Variants in UTRN observed in about 807,000 individuals in gnomAD.
The protein encoded by UTRN is utrophin, also known as dystrophin-related protein 1.
In UTRN, 283 loss-of-function variants were observed where a neutral mutation model predicts 463.9. The observed-to-expected ratio is 0.61, with a 90% CI of 0.55 to 0.67. The LOEUF is 0.67. UTRN is among the 30% of genes least tolerant of loss of function. UTRN has a pLI of 0.00. For synonymous variants in UTRN, 1,442 were observed against 1,431.5 expected (o/e 1.01, Z -0.17); for missense variants, 3,922 against 4,084.3 (o/e 0.96, Z 1.08).
intron 3 of UTRN, among the ~76,000 whole-genome samples, chr6:144,419,467 C>T (rs2114841307): frequency 6.6e-6 from 1 of 152,240 alleles, no homozygotes; most frequent in Non-Finnish European, 1.5e-5. Context: ...AAGGCACATG[C>T]TAAAAATTAT....
chr6:144,391,235 A>T (rs934927780), intron 2 of UTRN, among the ~76,000 whole-genome samples: 8 of 152,014 alleles, frequency 5.3e-5, no homozygotes, highest in Non-Finnish European at 8.8e-5. Flanking sequence ...CCATACCCAG[A>T]CACTTTTTTG....
At chr6:144,530,942 G>A in intron 41 of UTRN, 110 bp from the exon 42 acceptor site, 1 of 1,246,420 alleles carries the variant, frequency 8.0e-7, no homozygotes, top group Non-Finnish European at 1.1e-6. Flanking sequence ...GAATTCAGTT[G>A]TTTGAGGTCT....
chr6:144,439,318 C>G (rs1231522079), intron 12 of UTRN, among the ~76,000 whole-genome samples: 1 of 152,098 alleles, frequency 6.6e-6, no homozygotes, highest in Non-Finnish European at 1.5e-5. Context: ...AGGAGATAAA[C>G]TTTTCATAGT....
At chr6:144,447,494 A>T in intron 15 of UTRN, 108 bp from the exon 16 acceptor site, 1 of 1,387,730 alleles carries the variant, frequency 7.2e-7, no homozygotes, top group Non-Finnish European at 9.9e-7. Context: ...TGAACTGCAA[A>T]GCATGTACAT....
At chr6:144,836,761 A>G (rs2128760773) in intron 71 of UTRN, 1 of 676,086 alleles carries the variant, frequency 1.5e-6, no homozygotes, top group East Asian at 3.1e-5. Flanking sequence ...GGAATTTCCC[A>G]GTCTTCTTTA....
At chr6:144,628,356 A>G (rs1203831512) in intron 51 of UTRN, among the ~76,000 whole-genome samples, 1 of 152,072 alleles carries the variant, frequency 6.6e-6, no homozygotes, top group African/African-American at 2.4e-5. Flanking sequence ...ATCTGTATGA[A>G]TATAGTATTC....
chr6:144,466,091 T>C (rs1373452691), intron 23 of UTRN, among the ~76,000 whole-genome samples: 3 of 152,294 alleles, frequency 2.0e-5, no homozygotes, highest in African/African-American at 7.2e-5. Flanking sequence ...ACAAGAACAA[T>C]TGACAAATAT....
intron 2 of UTRN, among the ~76,000 whole-genome samples, chr6:144,360,072 CT>C (rs1401620107): frequency 1.4e-3 from 144 of 102,972 alleles, no homozygotes; most frequent in African/African-American, 7.8e-3. Context: ...CTTCCCTTCC[CT>C]TCCCTTCCCT....
At chr6:144,713,622 AAAAT>A (rs989082326) in intron 53 of UTRN, among the ~76,000 whole-genome samples, 4 of 145,838 alleles carry the variant, frequency 2.7e-5, no homozygotes, top group Non-Finnish European at 4.5e-5. Context: ...CTCAAAAAAA[AAAAT>A]AAATAAATAA....
At chr6:144,529,214 C>T (rs1319732067) in intron 41 of UTRN, among the ~76,000 whole-genome samples, 1 of 152,204 alleles carries the variant, frequency 6.6e-6, no homozygotes, top group African/African-American at 2.4e-5. Context: ...TATTTCCAGG[C>T]AGCTGGTGAG....
rs1554339291 is a variant in UTRN, at chr6:144,690,074, G to GTTTTTTTTTTTTTTTTTTTTTTTTTT, written c.7653-9991_7653-9990insTTTTTTTTTTTTTTTTTTTTTTTTTT. Among the ~76,000 whole-genome samples, 3 of 31,280 alleles carry GTTTTTTTTTTTTTTTTTTTTTTTTTT rather than the reference G, an allele frequency of 9.6e-5. 1 individual carries two copies. The highest frequency in any genetic ancestry group is 1.8e-4 in the African/African-American group (1 of 5,682). The allele number at this position is 31,280 out of a possible 152,430, so 20.5% of individuals were successfully genotyped here. A position where few individuals can be genotyped will look rare whatever the true frequency, so the allele number is the denominator to read the frequency against. ...GGCCATAGAGCTCCCAAAAGTTTCT[G>GTTTTTTTTTTTTTTTTTTTTTTTTTT]TTTTTTTTTTTTTTTTTTTTTTGTG... On this transcript the variant is annotated intron_variant, in intron 52 of 74. Transcript: ENST00000367545.
At chr6:144,380,215 C>G (rs375934995) in intron 2 of UTRN, among the ~76,000 whole-genome samples, 1 of 151,868 alleles carries the variant, frequency 6.6e-6, no homozygotes, top group Non-Finnish European at 1.5e-5. Context: ...CAATAAAATA[C>G]CTATGAAGCT....
In UTRN at chr6:144,700,194, C is replaced by T; in HGVS notation, c.7760C>T (p.Pro2587Leu). The T allele has an allele frequency of 1.2e-6, 2 of 1,613,402 alleles. No homozygotes were observed. The highest frequency in any genetic ancestry group is 1.3e-5 in the African/African-American group (1 of 74,962). Reference protein sequence around the residue: ...MKDEELKKQMPIGGDVPALQL... With the variant: ...MKDEELKKQMLIGGDVPALQL... ...GATGAAGAGCTTAAGAAACAAATGCCTATTGGAGGAGATGTTCCAGCCTTA... is the reference window on the plus strand; with the variant it reads ...GATGAAGAGCTTAAGAAACAAATGCTTATTGGAGGAGATGTTCCAGCCTTA... Residue 2587 changes from proline to leucine, a missense_variant, in exon 53 of 75, where the codon CCT (proline) becomes CTT (leucine). By Grantham distance (98) the Pro-to-Leu change is moderately conservative. This residue lies in a region of UTRN where 1,309 missense variants were observed against 1,452.6 expected (regional missense o/e 0.90). Coordinates refer to ENST00000367545, the MANE Select transcript of UTRN (RefSeq NM_007124.3).
At chr6:144,708,442 G>T in intron 53 of UTRN, 1 of 628,950 alleles carries the variant, frequency 1.6e-6, no homozygotes, top group South Asian at 1.6e-5. Flanking sequence ...TAGAGGCTCT[G>T]ACTCCTCGGG....
intron 45 of UTRN, among the ~76,000 whole-genome samples, chr6:144,540,759 A>G (rs1797915188): frequency 1.3e-5 from 2 of 152,320 alleles, no homozygotes; most frequent in South Asian, 4.1e-4. Context: ...GAAAACCCCC[A>G]AACCAAAAAC....
At chr6:144,540,127 AT>A (rs1270409124) in intron 45 of UTRN, among the ~76,000 whole-genome samples, 2 of 151,866 alleles carry the variant, frequency 1.3e-5, no homozygotes, top group East Asian at 1.9e-4. Context: ...ATTTTCAATG[AT>A]TTTTTTCATT....
chr6:144,472,756 A>G (rs1472577149), intron 23 of UTRN, among the ~76,000 whole-genome samples: 1 of 146,092 alleles, frequency 6.8e-6, no homozygotes, highest in Admixed American at 7.0e-5. Context: ...CTAAAATTGC[A>G]TCTACTTACT....
At chr6:144,483,667 T>C (rs1242017263) in intron 27 of UTRN, among the ~76,000 whole-genome samples, 1 of 152,184 alleles carries the variant, frequency 6.6e-6, no homozygotes, top group East Asian at 1.9e-4. Context: ...CAAGTTGGTC[T>C]GGAACTCTTG....
At chr6:144,404,432 A>G (rs1268565867) in intron 3 of UTRN, among the ~76,000 whole-genome samples, 1 of 152,170 alleles carries the variant, frequency 6.6e-6, no homozygotes, top group Non-Finnish European at 1.5e-5. Context: ...TCTGCATGTG[A>G]CCATTTTCCA....
Sources: gnomAD v4.1 joint callset for allele counts (sites outside exome capture counted in the v4.1 genomes callset) on GRCh38, gnomAD v4.1.1 for gene constraint, gnomAD v4.1.1 regional missense constraint, MANE v1.5 for transcripts, NCBI Gene and HGNC (gene_info 2026-07-23, HGNC 2026-07-21) for gene names.